The following KIF24 variants were observed in gnomAD, a reference collection of about 807,000 sequenced individuals.
KIF24 encodes the protein kinesin family member 24, also known as kinesin-like protein KIF24.
A neutral mutation model predicts 118.9 loss-of-function variants in KIF24; 81 were observed. That is an observed-to-expected ratio of 0.68 (90% CI 0.57 to 0.82). The LOEUF is 0.82. Ranked by LOEUF, KIF24 falls within the 40% of genes least tolerant of loss-of-function variation. The pLI is 0.00. For synonymous variants in KIF24, 599 were observed against 610.0 expected (o/e 0.98, Z 0.27); for missense variants, 1,560 against 1,661.6 (o/e 0.94, Z 1.06).
intron 3 of KIF24, among the ~76,000 whole-genome samples, chr9:34,303,559 G>C (rs1268897447): frequency 6.6e-6 from 1 of 152,074 alleles, no homozygotes; most frequent in Non-Finnish European, 1.5e-5. Flanking sequence ...TTATAAATAA[G>C]ATTGGTCAGG....
chr9:34,326,244 TG>T (rs922867533), intron 1 of KIF24, among the ~76,000 whole-genome samples: 4 of 151,876 alleles, frequency 2.6e-5, no homozygotes, highest in African/African-American at 9.7e-5. Flanking sequence ...CCCAGCTACT[TG>T]GGGGGCTGAG....
At chr9:34,306,541 G>A (rs944100869) in intron 2 of KIF24, 100 bp from the exon 3 acceptor site, 47 of 758,000 alleles carry the variant, frequency 6.2e-5, no homozygotes, top group Middle Eastern at 2.6e-4. Context: ...GGTGGCTTAC[G>A]CCTGTAATCC....
chr9:34,326,603 G>C (rs1393604164), intron 1 of KIF24, among the ~76,000 whole-genome samples: 1 of 152,126 alleles, frequency 6.6e-6, no homozygotes. Context: ...GGAGGAAGAG[G>C]GTTCCACGTG....
chr9:34,272,839 G>A (rs1835556032), intron 6 of KIF24, among the ~76,000 whole-genome samples: 1 of 151,826 alleles, frequency 6.6e-6, no homozygotes, highest in African/African-American at 2.4e-5. Context: ...GCCCAGGCTG[G>A]TCTTGAACTC....
intron 12 of KIF24, 148 bp from the exon 13 acceptor site, chr9:34,254,668 A>C: frequency 1.3e-6 from 1 of 773,532 alleles, no homozygotes; most frequent in Non-Finnish European, 2.1e-6. Flanking sequence ...GCTATGGCAC[A>C]GGGTGGGGCC....
At chr9:34,308,375 C>T (rs1482714881) in intron 2 of KIF24, among the ~76,000 whole-genome samples, 1 of 152,006 alleles carries the variant, frequency 6.6e-6, no homozygotes, top group East Asian at 1.9e-4. Flanking sequence ...CCTCTGCCTC[C>T]TGGGTTCAAG....
intron 4 of KIF24, among the ~76,000 whole-genome samples, chr9:34,291,211 C>T (rs570131527): frequency 3.9e-5 from 6 of 152,272 alleles, no homozygotes; most frequent in African/African-American, 1.2e-4. Flanking sequence ...TGAGGAAGGA[C>T]TCACAAGAGT....
rs960593590 is a variant in KIF24 at position 34,318,029 on chromosome 9, A to C, written c.-25-6658T>G. ...TGTATTATTGGATTTATTTTTCAGTAGTTAGGGGAGCATGGGAGCAAAGGA... is the reference window on the plus strand; with the variant it reads ...TGTATTATTGGATTTATTTTTCAGTCGTTAGGGGAGCATGGGAGCAAAGGA... On this transcript the variant is annotated intron_variant, in intron 1 of 12. Transcript: ENST00000402558. This position sits in a 1 kb window ranked among gnomAD's most constrained non-coding sequence, Gnocchi z 4.9. Among the ~76,000 whole-genome samples the C allele has an allele frequency of 1.3e-5, 2 of 152,028 alleles. No individual in the cohort carries two copies. Among genetic ancestry groups the C allele is most frequent in the Non-Finnish European group, 1.5e-5 (1 of 67,984 alleles).
intron 1 of KIF24, among the ~76,000 whole-genome samples, chr9:34,324,451 C>T (rs887853915): frequency 1.2e-4 from 18 of 152,108 alleles, no homozygotes; most frequent in African/African-American, 4.3e-4. Flanking sequence ...CACATACTTG[C>T]CAAATTTCTC....
intron 3 of KIF24, among the ~76,000 whole-genome samples, chr9:34,305,247 CTGAGT>C (rs1045702578): frequency 8.9e-4 from 135 of 152,154 alleles, no homozygotes; most frequent in African/African-American, 3.1e-3. Flanking sequence ...ATTTACATGG[CTGAGT>C]TATTAGTGTT....
intron 4 of KIF24, among the ~76,000 whole-genome samples, chr9:34,290,666 C>G (rs1479943583): frequency 1.3e-5 from 2 of 149,068 alleles, no homozygotes; most frequent in African/African-American, 2.5e-5. Context: ...GTGGTGTGAT[C>G]TCCACTCACT....
chr9:34,254,623 G>A, intron 12 of KIF24, 103 bp from the exon 13 acceptor site: 1 of 1,212,958 alleles, frequency 8.2e-7, no homozygotes, highest in Non-Finnish European at 1.2e-6. Context: ...CAGAACCCAG[G>A]CCACTCTTCC....
At chr9:34,255,601 G>T in intron 11 of KIF24, 134 bp downstream of exon 11, 1 of 750,154 alleles carries the variant, frequency 1.3e-6, no homozygotes, top group Non-Finnish European at 2.2e-6. Flanking sequence ...CCAAAGCAGA[G>T]GGTTGGAGCT....
upstream of KIF24, among the ~76,000 whole-genome samples, chr9:34,330,840 G>T (rs1030543668): frequency 6.6e-6 from 1 of 151,272 alleles, no homozygotes; most frequent in African/African-American, 2.4e-5. Flanking sequence ...GGGCGCCTGT[G>T]GTCCCAGCTA....
chr9:34,256,753 T>C lies in KIF24; in HGVS notation c.2854A>G (p.Arg952Gly), dbSNP rs756736136. Reference protein sequence around the residue: ...SQVDFIYRQERGGGSSFDLRK... With the variant: ...SQVDFIYRQEGGGGSSFDLRK... ...AGATCAAAGGAAGAGCCTCCACCTCTTTCCTGTCTATATATGAAATCTACC... is the reference window on the plus strand; with the variant it reads ...AGATCAAAGGAAGAGCCTCCACCTCCTTCCTGTCTATATATGAAATCTACC... Residue 952 changes from arginine (R) to glycine (G), a missense_variant, in exon 11 of 13, where the codon AGA (arginine) becomes GGA (glycine). Arg to Gly is a moderately radical substitution (Grantham distance 125, BLOSUM62 -2). Around this residue, in one of 3 missense-constraint regions of KIF24, gnomAD observed 591 missense variants for 655.6 expected, o/e 0.90. Coordinates refer to ENST00000402558, the MANE Select transcript of KIF24 (RefSeq NM_194313.4). 4 of 1,613,902 alleles carry C rather than the reference T, an allele frequency of 2.5e-6. No homozygotes were observed. Among genetic ancestry groups the C allele is most frequent in the African/African-American group, 2.7e-5 (2 of 74,930 alleles).
chr9:34,305,641 T>C (rs372445232), intron 3 of KIF24, among the ~76,000 whole-genome samples: 4 of 152,342 alleles, frequency 2.6e-5, no homozygotes, highest in African/African-American at 7.2e-5. Context: ...CCTCCCTCTG[T>C]TGCCCAGGCT....
chr9:34,284,159 T>C (rs947511644), intron 6 of KIF24, among the ~76,000 whole-genome samples: 1 of 151,982 alleles, frequency 6.6e-6, no homozygotes, highest in Non-Finnish European at 1.5e-5. Context: ...TCCCAGCTAC[T>C]TGGGAAGCTG....
chr9:34,265,989 C>A (rs1835271983), intron 8 of KIF24, among the ~76,000 whole-genome samples: 1 of 152,012 alleles, frequency 6.6e-6, no homozygotes, highest in Non-Finnish European at 1.5e-5. Flanking sequence ...ACCTCCTGGG[C>A]TCAAGCAATC....
intron 7 of KIF24, 26 bp from the exon 8 acceptor site, chr9:34,269,388 ACTT>A (rs141274403): frequency 0.11 from 113,155 of 988,192 alleles, 7,880 homozygotes; most frequent in Non-Finnish European, 0.13. Context: ...AGCAGGAGTG[ACTT>A]CTGTGAAGCT....
Sources: gnomAD v4.1 joint callset for allele counts (sites outside exome capture counted in the v4.1 genomes callset) on GRCh38, gnomAD v4.1.1 for gene constraint, gnomAD v4.1.1 regional missense constraint, Gnocchi (gnomAD v3.1) non-coding constraint, MANE v1.5 for transcripts, NCBI Gene and HGNC (gene_info 2026-07-23, HGNC 2026-07-21) for gene names.